MAP3K13: variants seen among roughly 807,000 people sequenced by gnomAD.
The protein encoded by MAP3K13 is leucine zipper-bearing kinase.
Under a neutral mutation model 104.0 loss-of-function variants are expected in MAP3K13, and 52 were observed. The ratio of observed to expected loss-of-function variants is 0.50; its 90% confidence interval spans 0.40 to 0.63. MAP3K13 has a LOEUF of 0.63. Ranked by LOEUF, MAP3K13 falls within the 20% of genes least tolerant of loss-of-function variation. The probability of loss-of-function intolerance (pLI) is 0.00; values close to 1 mark genes in which losing one functional copy is unlikely to be tolerated. For missense variants in MAP3K13, 914 were observed against 1,218.5 expected (o/e 0.75, Z 3.72); for synonymous variants, 394 against 442.2 (o/e 0.89, Z 1.37).
chr3:185,297,295 C>A (rs1720948550), intron 2 of MAP3K13, among the ~76,000 whole-genome samples: 1 of 152,180 alleles, frequency 6.6e-6, no homozygotes, highest in African/African-American at 2.4e-5. Flanking sequence ...TTGATTTAAA[C>A]CTAGTAATTG....
chr3:185,454,644 A>G lies in MAP3K13; in HGVS notation c.1278+3249A>G, dbSNP rs1248434720. Among the ~76,000 whole-genome samples the G allele has an allele frequency of 2.2e-3, 238 of 109,744 alleles. 29 individuals are homozygous for G. Among genetic ancestry groups the G allele is most frequent in the African/African-American group, 8.4e-3 (229 of 27,282 alleles). The allele number at this position is 109,744 out of a possible 152,430, so 72.0% of individuals were successfully genotyped here. ...TATATGAGATATATATATGAGATAT[A>G]TATATGATATATATATGATATATAT... On this transcript the variant is annotated intron_variant, in intron 7 of 13. Transcript: ENST00000265026.
intron 9 of MAP3K13, 78 bp downstream of exon 9, chr3:185,465,941 C>T: frequency 9.6e-7 from 1 of 1,037,000 alleles, no homozygotes; most frequent in South Asian, 1.3e-5. Flanking sequence ...TTCCATGTTG[C>T]TGCTACTCAG....
chr3:185,368,350 G>T (rs1163292683), intron 1 of MAP3K13, among the ~76,000 whole-genome samples: 2 of 152,078 alleles, frequency 1.3e-5, no homozygotes, highest in African/African-American at 4.8e-5. Context: ...GTTTACTATG[G>T]ATTGTGAACA....
At chr3:185,455,670 T>TC (rs1716607873) in intron 7 of MAP3K13, among the ~76,000 whole-genome samples, 1 of 23,236 alleles carries the variant, frequency 4.3e-5, no homozygotes, top group African/African-American at 9.6e-5. Context: ...ATATATATGA[T>TC]ATATATATGA....
At chr3:185,409,695 G>A (rs1357708915) in intron 1 of MAP3K13, among the ~76,000 whole-genome samples, 1 of 152,124 alleles carries the variant, frequency 6.6e-6, no homozygotes, top group Non-Finnish European at 1.5e-5. Context: ...TATGTTTATT[G>A]CAGGACTATT....
chr3:185,447,983 CT>C, intron 5 of MAP3K13, 36 bp downstream of exon 5: 1 of 1,584,148 alleles, frequency 6.3e-7, no homozygotes, highest in Non-Finnish European at 8.6e-7. Flanking sequence ...ACTAAAAAGC[CT>C]TTTCCCACTT....
chr3:185,366,717 T>G (rs919335613), intron 1 of MAP3K13, among the ~76,000 whole-genome samples: 3 of 152,266 alleles, frequency 2.0e-5, no homozygotes, highest in Admixed American at 1.3e-4. Context: ...ATGTGCTTAT[T>G]GGCCATCTGT....
intron 2 of MAP3K13, among the ~76,000 whole-genome samples, chr3:185,321,599 G>T (rs562942579): frequency 7.9e-4 from 120 of 151,910 alleles, no homozygotes; most frequent in Non-Finnish European, 1.4e-3. Flanking sequence ...CGAGTTTTTT[G>T]ATGTTTGTTT....
chr3:185,444,047 C>T (rs368011583), intron 4 of MAP3K13, among the ~76,000 whole-genome samples: 1 of 152,088 alleles, frequency 6.6e-6, no homozygotes, highest in African/African-American at 2.4e-5. Context: ...AAATAAGAAA[C>T]AGGCTAGCTG....
intron 1 of MAP3K13, among the ~76,000 whole-genome samples, chr3:185,388,639 C>T (rs1340137967): frequency 1.3e-5 from 2 of 152,138 alleles, no homozygotes; most frequent in African/African-American, 4.8e-5. Context: ...AATGCCATCC[C>T]TATCAAAATA....
chr3:185,307,592 G>A (rs921609880), intron 2 of MAP3K13, among the ~76,000 whole-genome samples: 1 of 116,630 alleles, frequency 8.6e-6, no homozygotes, highest in Non-Finnish European at 1.6e-5. Context: ...GCCCAGAGCT[G>A]TAGTGCAATG....
chr3:185,371,561 G>A (rs1344331275), intron 1 of MAP3K13, among the ~76,000 whole-genome samples: 1 of 152,222 alleles, frequency 6.6e-6, no homozygotes, highest in East Asian at 1.9e-4. Flanking sequence ...GAGCAATTCT[G>A]AGGACATTTT....
Position 185,432,242 on chromosome 3 carries a change from C to T in MAP3K13, c.475+3186C>T, listed in dbSNP as rs4686611. On this transcript the variant is annotated intron_variant, in intron 2 of 13. Coordinates refer to ENST00000265026, the MANE Select transcript of MAP3K13 (RefSeq NM_004721.5). The stretch of plus-strand genomic sequence containing the variant: ...TCTTGGTCTGTTGCCCAGGCTGGAG[C>T]GCAATGGGTGTGATCTTGGCTCACT... Among the ~76,000 whole-genome samples, 384 of 121,934 alleles carry T rather than the reference C, an allele frequency of 3.1e-3. 1 individual carries two copies. The highest frequency in any genetic ancestry group is 0.011 in the African/African-American group (359 of 31,332). The allele number at this position is 121,934 out of a possible 152,430, so 80.0% of individuals were successfully genotyped here.
At chr3:185,307,543 C>CG in intron 2 of MAP3K13, among the ~76,000 whole-genome samples, 2 of 49,006 alleles carry the variant, frequency 4.1e-5, no homozygotes, top group Non-Finnish European at 9.8e-5. Context: ...GGTGCACCAC[C>CG]CCCTCCCCCG....
At chr3:185,481,483 G>C (rs1363698802) in intron 13 of MAP3K13, among the ~76,000 whole-genome samples, 1 of 131,180 alleles carries the variant, frequency 7.6e-6, no homozygotes, top group African/African-American at 2.9e-5. Flanking sequence ...GTGAGACCCT[G>C]TCTCTGAAAA....
chr3:185,437,394 AG>A (rs1715099940), intron 2 of MAP3K13, 52 bp from the exon 3 acceptor site: 8 of 1,518,702 alleles, frequency 5.3e-6, no homozygotes, highest in Middle Eastern at 1.9e-4. Context: ...ATGGCCTTGT[AG>A]AGTGGTCCCT....
intron 1 of MAP3K13, among the ~76,000 whole-genome samples, chr3:185,424,048 C>T (rs866927163): frequency 7.2e-5 from 11 of 152,232 alleles, no homozygotes; most frequent in Non-Finnish European, 1.3e-4. Flanking sequence ...GAGGTTATTC[C>T]TTCAGTGTAA....
chr3:185,463,511 C>A, intron 7 of MAP3K13, 39 bp from the exon 8 acceptor site: 1 of 1,241,356 alleles, frequency 8.1e-7, no homozygotes, highest in Non-Finnish European at 1.2e-6. Context: ...GGGATTGAAA[C>A]TCCTGGAATT....
intron 2 of MAP3K13, among the ~76,000 whole-genome samples, chr3:185,312,966 G>C (rs994472541): frequency 5.9e-5 from 9 of 152,100 alleles, no homozygotes; most frequent in Non-Finnish European, 8.8e-5. Context: ...AAGGCAGGCA[G>C]ATCATCTGAG....
Sources: allele counts gnomAD v4.1 joint callset (sites outside exome capture counted in the v4.1 genomes callset), GRCh38; gene constraint gnomAD v4.1.1; transcripts MANE v1.5; gene names NCBI Gene and HGNC (gene_info 2026-07-23, HGNC 2026-07-21).